ZNF609: variants seen among roughly 807,000 people sequenced by gnomAD.
ZNF609 encodes zinc finger protein 609.
A neutral mutation model predicts 109.5 loss-of-function variants in ZNF609; 11 were observed. That is an observed-to-expected ratio of 0.10 (90% CI 0.06 to 0.17). The LOEUF (loss-of-function observed/expected upper bound fraction) is 0.17. Among genes scored for constraint, ZNF609 ranks in the 10% least tolerant of loss-of-function variants. The pLI is 1.00. For synonymous variants in ZNF609, 646 were observed against 662.0 expected, an observed-to-expected ratio of 0.98 and a Z score of 0.37; for missense variants, 1,559 against 1,772.4, an observed-to-expected ratio of 0.88 and a Z score of 2.16.
chr15:64,609,092 CTTT>C (rs1895666432), intron 2 of ZNF609, among the ~76,000 whole-genome samples: 3 of 33,770 alleles, frequency 8.9e-5, no homozygotes, highest in Non-Finnish European at 1.9e-4. Flanking sequence ...TTCTTTCTTT[CTTT>C]CTTTCTTTCT....
intron 2 of ZNF609, among the ~76,000 whole-genome samples, chr15:64,503,822 T>C (rs921602872): frequency 2.0e-5 from 3 of 152,234 alleles, no homozygotes; most frequent in African/African-American, 7.2e-5. Flanking sequence ...CCCATTAGTT[T>C]AGGATACAAA....
chr15:64,667,047 G>A (rs987970820), intron 3 of ZNF609, among the ~76,000 whole-genome samples: 6 of 151,878 alleles, frequency 4.0e-5, no homozygotes, highest in African/African-American at 1.2e-4. Context: ...GGAGAATGGC[G>A]TGAACCCGGG....
At chr15:64,518,679 T>A (rs1412066938) in intron 2 of ZNF609, among the ~76,000 whole-genome samples, 1 of 152,078 alleles carries the variant, frequency 6.6e-6, no homozygotes, top group Admixed American at 6.5e-5. Context: ...AGAATAGTAT[T>A]AATAGGAAAG....
intron 2 of ZNF609, among the ~76,000 whole-genome samples, chr15:64,604,227 G>A (rs1250810648): frequency 6.6e-6 from 1 of 152,088 alleles, no homozygotes; most frequent in African/African-American, 2.4e-5. Context: ...ATTTAATGTC[G>A]CTGAAAGGAA....
At chr15:64,592,011 T>C (rs1895307637) in intron 2 of ZNF609, among the ~76,000 whole-genome samples, 1 of 151,928 alleles carries the variant, frequency 6.6e-6, no homozygotes, top group Non-Finnish European at 1.5e-5. Flanking sequence ...ACCCGGCCTT[T>C]TTTTAATCAG....
At chr15:64,468,657 C>T (rs961799786) in intron 1 of ZNF609, among the ~76,000 whole-genome samples, 11 of 152,058 alleles carry the variant, frequency 7.2e-5, no homozygotes, top group African/African-American at 1.7e-4. Context: ...CTCAAGCAGT[C>T]CTCCTTCCAT....
chr15:64,615,938 G>A lies in ZNF609; in HGVS notation c.748-6889G>A, dbSNP rs1895791914. Among the ~76,000 whole-genome samples, 5 of 152,058 alleles carry A rather than the reference G, an allele frequency of 3.3e-5. No individual in the cohort carries two copies. The South Asian group carries it at 1.0e-3, about 32-fold the overall frequency. ...TATCAGTAGAACTAACTTCCTTCTT[G>A]CGTTTTTGTCTGTGAAGGTGAAGAT... On this transcript the variant is annotated intron_variant, in intron 2 of 9. Transcript: ENST00000326648.
chr15:64,508,824 A>T (rs547749497), intron 2 of ZNF609, among the ~76,000 whole-genome samples: 87 of 151,552 alleles, frequency 5.7e-4, no homozygotes, highest in African/African-American at 2.0e-3. Flanking sequence ...CCTCCCCAGT[A>T]GCTGGGACTA....
At chr15:64,461,067 TGGCCAC>T (rs1566990267) in intron 1 of ZNF609, among the ~76,000 whole-genome samples, 12 of 146,310 alleles carry the variant, frequency 8.2e-5, no homozygotes. Context: ...GTTCAAAGCG[TGGCCAC>T]GGCCGGTTCA....
Position 64,680,776 on chromosome 15 carries a change from C to T in ZNF609, c.4076C>T (p.Ser1359Phe). 6.2e-7 allele frequency: 1 copy of T among 1,613,736 alleles called. No homozygotes were observed. Among genetic ancestry groups the T allele is most frequent in the Non-Finnish European group, 8.5e-7 (1 of 1,180,014 alleles). ...RSVDRPRTSP[S>F]QRLMSTHHHH... ...GTTGACCGGCCCCGCACCTCTCCTT[C>T]CCAGCGCCTGATGTCCACACACCAC... Residue 1359 changes from serine to phenylalanine, a missense_variant, in exon 8 of 10, where the codon TCC (serine) becomes TTC (phenylalanine). Transcript: ENST00000326648.
intron 1 of ZNF609, among the ~76,000 whole-genome samples, chr15:64,467,560 G>C (rs1401333886): frequency 6.6e-6 from 1 of 152,184 alleles, no homozygotes; most frequent in Non-Finnish European, 1.5e-5. Flanking sequence ...GAAAACATGT[G>C]CCTTAGCCCG....
chr15:64,576,976 ATATATG>A (rs1214937971), intron 2 of ZNF609, among the ~76,000 whole-genome samples: 6 of 138,376 alleles, frequency 4.3e-5, no homozygotes, highest in South Asian at 2.2e-4. Flanking sequence ...ACATAAATAT[ATATATG>A]TATGTATACA....
intron 3 of ZNF609, among the ~76,000 whole-genome samples, chr15:64,645,666 C>T (rs1305245785): frequency 6.6e-6 from 1 of 152,050 alleles, no homozygotes; most frequent in African/African-American, 2.4e-5. Flanking sequence ...GAATAAAGAA[C>T]TCCTACAGAT....
chr15:64,678,583 G>A, intron 6 of ZNF609, 101 bp downstream of exon 6: 3 of 1,487,818 alleles, frequency 2.0e-6, no homozygotes, highest in Non-Finnish European at 8.9e-7. Flanking sequence ...GGCATATTGA[G>A]GCTCGCTTAG....
At chr15:64,650,037 T>TGG (rs1372229346) in intron 3 of ZNF609, among the ~76,000 whole-genome samples, 2 of 148,746 alleles carry the variant, frequency 1.3e-5, no homozygotes, top group Admixed American at 6.7e-5. Context: ...CCCAACTACT[T>TGG]GGGAAGGTGA....
chr15:64,483,520 G>T (rs1277197855), intron 1 of ZNF609, among the ~76,000 whole-genome samples: 1 of 152,070 alleles, frequency 6.6e-6, no homozygotes, highest in Non-Finnish European at 1.5e-5. Context: ...CTGAGTAGCT[G>T]GGACTACAGA....
chr15:64,639,743 CAATTCATAAAAGGGGCA>C (rs1896226126), intron 3 of ZNF609, among the ~76,000 whole-genome samples: 1 of 151,998 alleles, frequency 6.6e-6, no homozygotes, highest in African/African-American at 2.4e-5. Flanking sequence ...GGACACAGTT[CAATTCATAAAAGGGGCA>C]AATGAAAATT....
chr15:64,484,221 G>T (rs965513160), intron 1 of ZNF609, among the ~76,000 whole-genome samples: 2 of 152,104 alleles, frequency 1.3e-5, no homozygotes, highest in African/African-American at 2.4e-5. Flanking sequence ...CAGGTAGTTA[G>T]GTCCCCAAAT....
intron 3 of ZNF609, among the ~76,000 whole-genome samples, chr15:64,648,169 T>A (rs1896362416): frequency 6.6e-6 from 1 of 152,158 alleles, no homozygotes; most frequent in Non-Finnish European, 1.5e-5. Flanking sequence ...AGTGTAATCT[T>A]ATCTTGTGAG....
Sources: gnomAD v4.1 joint callset for allele counts (sites outside exome capture counted in the v4.1 genomes callset) on GRCh38, gnomAD v4.1.1 for gene constraint, MANE v1.5 for transcripts, NCBI Gene and HGNC (gene_info 2026-07-23, HGNC 2026-07-21) for gene names.